ASXL1: variants seen among roughly 807,000 people sequenced by gnomAD.
The protein encoded by ASXL1 is polycomb group protein ASXL1.
ASXL1 carries 65 observed loss-of-function variants against 89.1 expected under a neutral mutation model. That is an observed-to-expected ratio of 0.73 (90% CI 0.60 to 0.90). ASXL1 has a LOEUF of 0.90. Among genes scored for constraint, ASXL1 ranks in the 40% least tolerant of loss-of-function variants. The pLI, the probability that ASXL1 is intolerant of heterozygous loss-of-function variation, is 0.00. For synonymous variants in ASXL1, 739 were observed against 746.9 expected, an observed-to-expected ratio of 0.99 and a Z score of 0.17; for missense variants, 1,786 against 1,942.9, an observed-to-expected ratio of 0.92 and a Z score of 1.52.
chr20:32,439,318 C>T lies in ASXL1; in HGVS notation c.*1980C>T, dbSNP rs1450047865. ...TGGAACAATAAACCCGTACAACCTG[C>T]AGTTGTGGTCTCAGTCATCTGTGGC... On this transcript the variant is annotated 3_prime_UTR_variant, in exon 13 of 13. Coordinates refer to ENST00000375687, the MANE Select transcript of ASXL1 (RefSeq NM_015338.6). 4.4e-6 allele frequency: 1 copy of T among 229,254 alleles called. No homozygotes were observed. The highest frequency in any genetic ancestry group is 2.2e-5 in the African/African-American group (1 of 45,102). 14.2% of individuals were successfully genotyped at this position (229,254 alleles called of 1,614,324 possible).
chr20:32,421,254 CAAAA>C (rs568332856), intron 4 of ASXL1, among the ~76,000 whole-genome samples: 1 of 137,362 alleles, frequency 7.3e-6, no homozygotes. Flanking sequence ...AAAAAAACTT[CAAAA>C]AAAAAAAAGT....
At chr20:32,427,001 C>G (rs912821661) in intron 4 of ASXL1, 34 of 152,090 alleles carry the variant, frequency 2.2e-4, no homozygotes, top group Admixed American at 2.2e-3. Context: ...ATTTATGGTG[C>G]CTTTTTAGCA....
At chr20:32,401,658 C>T (rs1489122236) in intron 4 of ASXL1, among the ~76,000 whole-genome samples, 2 of 150,590 alleles carry the variant, frequency 1.3e-5, no homozygotes, top group Non-Finnish European at 2.9e-5. Context: ...CAGGTTCAAG[C>T]GATTCTTCTG....
At chr20:32,385,385 CTTAA>C (rs748309263) in intron 4 of ASXL1, among the ~76,000 whole-genome samples, 10 of 152,128 alleles carry the variant, frequency 6.6e-5, no homozygotes, top group South Asian at 2.1e-4. Flanking sequence ...GGAGGAATAG[CTTAA>C]TTAATTTGTA....
chr20:32,406,422 A>G (rs866149302), intron 4 of ASXL1, among the ~76,000 whole-genome samples: 2 of 151,860 alleles, frequency 1.3e-5, no homozygotes, highest in African/African-American at 2.4e-5. Flanking sequence ...GTGGTGGCAC[A>G]TGCCTGTAGT....
rs1171765386 is a variant in ASXL1, at chr20:32,436,713, C to G, written c.4001C>G (p.Pro1334Arg). 1 of 1,614,028 alleles carries G rather than the reference C, an allele frequency of 6.2e-7. No homozygotes were observed. The highest frequency in any genetic ancestry group is 2.2e-5 in the East Asian group (1 of 44,888). Reference protein sequence around the residue: ...PLPAEIPPVFPSGKLGPSTNS... With the variant: ...PLPAEIPPVFRSGKLGPSTNS... ...CCTGCTGAGATCCCTCCAGTTTTTC[C>G]CAGTGGGAAGTTGGGACCAAGCACA... The change falls in exon 13 of 13, where the codon CCC (proline) becomes CGC (arginine). Residue 1334 changes from proline to arginine, a missense_variant. Pro to Arg is a moderately radical substitution (Grantham distance 103). Around this residue, in one of 3 missense-constraint regions of ASXL1, gnomAD observed 1,418 missense variants for 1,427.8 expected, o/e 0.99. Coordinates refer to ENST00000375687, the MANE Select transcript of ASXL1 (RefSeq NM_015338.6).
chr20:32,362,884 T>C (rs1053706931), intron 1 of ASXL1, among the ~76,000 whole-genome samples: 3 of 152,208 alleles, frequency 2.0e-5, no homozygotes, highest in Non-Finnish European at 4.4e-5. Flanking sequence ...TTGGGAGAAA[T>C]AGCCAAGGGG....
chr20:32,379,979 A>G (rs112688112), intron 4 of ASXL1, among the ~76,000 whole-genome samples: 37 of 148,890 alleles, frequency 2.5e-4, no homozygotes, highest in African/African-American at 8.4e-4. Context: ...AGTATAAAAA[A>G]ACTTAATAAA....
In ASXL1 at chr20:32,369,140, C is replaced by CT; in HGVS notation, c.252+18dup. The CT allele has an allele frequency of 6.3e-7, 1 of 1,580,030 alleles. No individual in the cohort carries two copies. Among genetic ancestry groups the CT allele is most frequent in the South Asian group, 1.1e-5 (1 of 90,408 alleles). ...ACGCTCAAGGTAAGTGATATGAACT[C>CT]TCTTTTGGTGCAGTGATTCTTGGAC... On this transcript the variant is annotated intron_variant, in intron 4 of 12. Coordinates refer to ENST00000375687, the MANE Select transcript of ASXL1 (RefSeq NM_015338.6).
chr20:32,405,809 T>C (rs1297225086), intron 4 of ASXL1, among the ~76,000 whole-genome samples: 1 of 55,536 alleles, frequency 1.8e-5, no homozygotes, highest in Non-Finnish European at 4.6e-5. Context: ...CAGGTAGCTC[T>C]TTATTTCAGT....
At chr20:32,397,929 A>C (rs1274848195) in intron 4 of ASXL1, among the ~76,000 whole-genome samples, 1 of 152,220 alleles carries the variant, frequency 6.6e-6, no homozygotes, top group East Asian at 1.9e-4. Flanking sequence ...TTTCTGTTAC[A>C]GTACACGGTC....
At chr20:32,406,310 G>A (rs927763489) in intron 4 of ASXL1, among the ~76,000 whole-genome samples, 4 of 152,084 alleles carry the variant, frequency 2.6e-5, no homozygotes, top group African/African-American at 4.8e-5. Flanking sequence ...CACTTTGGGA[G>A]GCTGAGGCGG....
In ASXL1 at chr20:32,428,573, C is replaced by T. The variant is rs932754495; in HGVS notation, c.471+151C>T. ...CTGTTAGTAGCATTTAACAGGGGGC[C>T]GCAGGAAAAGTGAACAGTAGGTTTG... On this transcript the variant is annotated intron_variant, in intron 6 of 12. Coordinates refer to ENST00000375687, the MANE Select transcript of ASXL1 (RefSeq NM_015338.6). 4.5e-5 allele frequency: 34 copies of T among 748,376 alleles called. No individual in the cohort carries two copies. The African/African-American group carries it at 4.6e-4, about 10-fold the overall frequency. 46.4% of individuals were successfully genotyped at this position (748,376 alleles called of 1,614,324 possible). A position where few individuals can be genotyped will look rare whatever the true frequency, so the allele number is the denominator to read the frequency against.
At chr20:32,418,078 T>C (rs2049168549) in intron 4 of ASXL1, among the ~76,000 whole-genome samples, 1 of 152,000 alleles carries the variant, frequency 6.6e-6, no homozygotes, top group South Asian at 2.1e-4. Flanking sequence ...CTTGGGAGGC[T>C]GAGGCAGGAG....
At chr20:32,363,643 G>A (rs1446437660) in intron 1 of ASXL1, among the ~76,000 whole-genome samples, 1 of 152,184 alleles carries the variant, frequency 6.6e-6, no homozygotes, top group Non-Finnish European at 1.5e-5. Context: ...GAAACAATGG[G>A]AACATTGAAA....
intron 10 of ASXL1, chr20:32,432,529 C>T (rs904432148): frequency 3.0e-6 from 1 of 328,598 alleles, no homozygotes; most frequent in African/African-American, 2.1e-5. Flanking sequence ...GTTGGGAACC[C>T]TCCTGAAATC....
intron 4 of ASXL1, among the ~76,000 whole-genome samples, chr20:32,381,095 T>C (rs1269583942): frequency 6.6e-6 from 1 of 152,238 alleles, no homozygotes; most frequent in Non-Finnish European, 1.5e-5. Context: ...CTAGCTCATT[T>C]ACCTGGAAAA....
chr20:32,372,348 T>TG, intron 4 of ASXL1: 1 of 1,162,986 alleles, frequency 8.6e-7, no homozygotes, highest in Non-Finnish European at 1.1e-6. Context: ...TTGCTTATCC[T>TG]TCATAGTATC....
At chr20:32,358,876 GGGGGGCT>G in intron 1 of ASXL1, 44 bp downstream of exon 1, 1 of 1,459,858 alleles carries the variant, frequency 6.8e-7, no homozygotes, top group Non-Finnish European at 9.1e-7. Flanking sequence ...CCCGGGGTGG[GGGGGGCT>G]CGCCGCGCAC....
Sources: gnomAD v4.1 joint callset for allele counts (sites outside exome capture counted in the v4.1 genomes callset) on GRCh38, gnomAD v4.1.1 for gene constraint, gnomAD v4.1.1 regional missense constraint, MANE v1.5 for transcripts, NCBI Gene and HGNC (gene_info 2026-07-23, HGNC 2026-07-21) for gene names.